The following RAB2A variants were observed in gnomAD, a reference collection of about 807,000 sequenced individuals.
RAB2A encodes the protein ras-related protein Rab-2A.
In RAB2A, 7 loss-of-function variants were observed where a neutral mutation model predicts 32.5. The ratio of observed to expected loss-of-function variants is 0.22; its 90% CI spans 0.12 to 0.40. The LOEUF (loss-of-function observed/expected upper bound fraction) is 0.40. Among genes scored for constraint, RAB2A ranks in the 10% least tolerant of loss-of-function variants. The pLI is 1.00. For missense variants in RAB2A, 108 were observed against 260.7 expected, an observed-to-expected ratio of 0.41 and a Z score of 4.03; for synonymous variants, 79 against 85.2, an observed-to-expected ratio of 0.93 and a Z score of 0.40.
rs943811488 is a variant in RAB2A at position 60,618,735 on chromosome 8, A to G, written c.543+87A>G. On this transcript the variant is annotated intron_variant, in intron 7 of 7. Transcript: ENST00000262646. ...TATATTTTTTATTTTATAATTCATT[A>G]TTTTATAATTTTTTTAATTCCTAAA... The G allele has an allele frequency of 6.5e-6, 3 of 461,476 alleles. No individual in the cohort carries two copies. In the Admixed American group the frequency reaches 1.8e-4, roughly 27 times the overall value. 28.6% of individuals were successfully genotyped at this position (461,476 alleles called of 1,614,324 possible).
intron 2 of RAB2A, among the ~76,000 whole-genome samples, chr8:60,566,988 G>C (rs1376826517): frequency 1.3e-5 from 2 of 152,020 alleles, no homozygotes; most frequent in South Asian, 4.1e-4. Flanking sequence ...ATAGCTTGTG[G>C]CCTCACACCA....
At chr8:60,560,101 G>A (rs1807998619) in intron 2 of RAB2A, among the ~76,000 whole-genome samples, 1 of 151,006 alleles carries the variant, frequency 6.6e-6, no homozygotes, top group African/African-American at 2.5e-5. Flanking sequence ...ATTTTGTTTT[G>A]TTTTTTGAGA....
At position 60,517,229 on chromosome 8, in the gene RAB2A, A is replaced by G; in HGVS notation, c.22A>G (p.Lys8Glu). Residue 8 changes from lysine to glutamate, a missense_variant, in exon 1 of 8, where the codon AAG (lysine) becomes GAG (glutamate). Physicochemically the swap from Lys to Glu is moderately conservative, Grantham distance 56. Around this residue, in one of 4 missense-constraint regions of RAB2A, gnomAD observed 5 missense variants for 16.3 expected, o/e 0.31. Transcript: ENST00000262646. ...GGCCATGGCGTACGCCTATCTCTTCAAGTACATCATAATCGGCGACACAGG... is the reference window on the plus strand; with the variant it reads ...GGCCATGGCGTACGCCTATCTCTTCGAGTACATCATAATCGGCGACACAGG... MAYAYLF[K>E]YIIIGDTGVG... The G allele has an allele frequency of 6.7e-7, 1 of 1,489,112 alleles. No homozygotes were observed. The highest frequency in any genetic ancestry group is 8.9e-7 in the Non-Finnish European group (1 of 1,118,570). The allele number at this position is 1,489,112 out of a possible 1,614,324, so 92.2% of individuals were successfully genotyped here.
intron 7 of RAB2A, 52 bp from the exon 8 acceptor site, chr8:60,620,622 G>A (rs1190610357): frequency 4.0e-5 from 53 of 1,322,926 alleles, no homozygotes; most frequent in Non-Finnish European, 5.6e-5. Flanking sequence ...TTAAGAATTA[G>A]TTAAACTATA....
At chr8:60,521,246 A>G (rs61514087) in intron 1 of RAB2A, among the ~76,000 whole-genome samples, 9,677 of 152,266 alleles carry the variant, frequency 0.064, 798 homozygotes, top group African/African-American at 0.19. Context: ...GCACTAGGTG[A>G]TGTTTCAGCT....
At chr8:60,537,103 A>G (rs568134149) in intron 1 of RAB2A, among the ~76,000 whole-genome samples, 7 of 152,350 alleles carry the variant, frequency 4.6e-5, no homozygotes, top group African/African-American at 1.4e-4. Context: ...TAGGTTTTTT[A>G]TAAGCCACAG....
intron 1 of RAB2A, among the ~76,000 whole-genome samples, chr8:60,526,507 C>T (rs1257833217): frequency 2.6e-5 from 4 of 152,178 alleles, no homozygotes; most frequent in Non-Finnish European, 5.9e-5. Context: ...ATAATACATG[C>T]TAATCTCCCC....
intron 3 of RAB2A, among the ~76,000 whole-genome samples, chr8:60,583,031 A>C (rs1033485106): frequency 7.1e-6 from 1 of 141,784 alleles, no homozygotes; most frequent in South Asian, 2.6e-4. Flanking sequence ...ACTTAGTCAC[A>C]TGCAGGGGGT....
chr8:60,575,976 A>C (rs1803610658), intron 3 of RAB2A, among the ~76,000 whole-genome samples: 1 of 152,082 alleles, frequency 6.6e-6, no homozygotes, highest in African/African-American at 2.4e-5. Flanking sequence ...TGTCATTTTT[A>C]TCTTCAAAAA....
At chr8:60,524,204 G>C (rs1312769348) in intron 1 of RAB2A, among the ~76,000 whole-genome samples, 1 of 152,010 alleles carries the variant, frequency 6.6e-6, no homozygotes, top group Non-Finnish European at 1.5e-5. Flanking sequence ...TGCCATTCCT[G>C]TCCAGCATGA....
At chr8:60,519,788 C>G (rs932907295) in intron 1 of RAB2A, among the ~76,000 whole-genome samples, 2 of 152,120 alleles carry the variant, frequency 1.3e-5, no homozygotes, top group African/African-American at 4.8e-5. Context: ...GCCAAACAGG[C>G]TACTATATTC....
rs1344463171 is a variant in RAB2A, at chr8:60,584,628, G to A, written c.270-95G>A. On this transcript the variant is annotated intron_variant, in intron 4 of 7. Transcript: ENST00000262646. ...ACTTCTCGTTACATAAGTGGATATG[G>A]CTAAAAGTGGTTCTCTTTAAAAATA... is the stretch of plus-strand genomic sequence containing the variant. 4 of 1,029,832 alleles carry A rather than the reference G, an allele frequency of 3.9e-6. No individual in the cohort carries two copies. In the South Asian group the frequency reaches 6.4e-5, roughly 16 times the overall value. 63.8% of individuals were successfully genotyped at this position (1,029,832 alleles called of 1,614,324 possible).
intron 1 of RAB2A, among the ~76,000 whole-genome samples, chr8:60,527,252 A>C (rs1439107252): frequency 6.6e-6 from 1 of 152,230 alleles, no homozygotes; most frequent in Non-Finnish European, 1.5e-5. Context: ...TCTGTGACCC[A>C]ATCAGCTCCC....
chr8:60,556,835 A>T (rs1010846718), intron 1 of RAB2A, among the ~76,000 whole-genome samples: 3 of 152,106 alleles, frequency 2.0e-5, no homozygotes, highest in Non-Finnish European at 4.4e-5. Flanking sequence ...ATGATTACCA[A>T]ACTCTTAGAT....
chr8:60,618,516 C>A, intron 6 of RAB2A, 64 bp from the exon 7 acceptor site: 3 of 792,880 alleles, frequency 3.8e-6, no homozygotes, highest in Non-Finnish European at 3.6e-6. Context: ...TTCTATAGAG[C>A]ATATATAATG....
intron 6 of RAB2A, among the ~76,000 whole-genome samples, chr8:60,608,304 A>G (rs1490696558): frequency 1.3e-5 from 2 of 152,146 alleles, no homozygotes; most frequent in Non-Finnish European, 2.9e-5. Context: ...AAAAAGCAAG[A>G]ATTATACCTT....
intron 2 of RAB2A, among the ~76,000 whole-genome samples, chr8:60,565,544 A>AT (rs1441550856): frequency 1.3e-5 from 2 of 152,094 alleles, no homozygotes; most frequent in Non-Finnish European, 2.9e-5. Flanking sequence ...GTTTTAAAAT[A>AT]TACCTCATTT....
chr8:60,617,322 T>G (rs141876124), intron 6 of RAB2A, among the ~76,000 whole-genome samples: 4 of 152,328 alleles, frequency 2.6e-5, no homozygotes, highest in African/African-American at 9.6e-5. Flanking sequence ...CCGTCTTTTC[T>G]CTCTTTATCG....
In RAB2A at chr8:60,591,966, A is replaced by C. The variant is rs1563480550; in HGVS notation, c.471A>C (p.Glu157Asp). Residue 157 changes from glutamate (E) to aspartate (D), a missense_variant, in exon 6 of 8, where the codon GAA (glutamate) becomes GAC (aspartate). Glu to Asp is a conservative substitution (Grantham distance 45). This residue lies in a region of RAB2A where 79 missense variants were observed against 199.8 expected (regional missense o/e 0.40). Coordinates refer to ENST00000262646, the MANE Select transcript of RAB2A (RefSeq NM_002865.3). ...CTGCTAAGACTGCTTCCAATGTAGAAGAGGTAAATAAGAGGCCCTTTAAAA... is the reference window on the plus strand; with the variant it reads ...CTGCTAAGACTGCTTCCAATGTAGACGAGGTAAATAAGAGGCCCTTTAAAA... ...ETSAKTASNV[E>D]EAFINTAKEI... The C allele has an allele frequency of 6.3e-7, 1 of 1,584,610 alleles. No individual in the cohort carries two copies. Among genetic ancestry groups the C allele is most frequent in the African/African-American group, 1.4e-5 (1 of 73,878 alleles).
Sources: gnomAD v4.1 joint callset for allele counts (sites outside exome capture counted in the v4.1 genomes callset) on GRCh38, gnomAD v4.1.1 for gene constraint, gnomAD v4.1.1 regional missense constraint, MANE v1.5 for transcripts, NCBI Gene and HGNC (gene_info 2026-07-23, HGNC 2026-07-21) for gene names.